Variants in SCFD2 observed in about 807,000 individuals in gnomAD.
The protein encoded by SCFD2 is sec1 family domain-containing protein 2.
In SCFD2, 54 loss-of-function variants were observed where a neutral mutation model predicts 58.9. The observed-to-expected ratio is 0.92, with a 90% CI of 0.74 to 1.15. The LOEUF is 1.15. Ranked by LOEUF, SCFD2 falls within the 50% of genes most tolerant of loss-of-function variation. The pLI is 0.00. For synonymous variants in SCFD2, 321 were observed against 335.9 expected (o/e 0.96, Z 0.49); for missense variants, 805 against 836.6 (o/e 0.96, Z 0.47).
At chr4:53,044,239 G>A (rs1722969964) in intron 5 of SCFD2, among the ~76,000 whole-genome samples, 2 of 152,038 alleles carry the variant, frequency 1.3e-5, no homozygotes, top group Admixed American at 1.3e-4. Context: ...ACCTGCATCA[G>A]AGTCTGAGGC....
At chr4:52,887,979 C>T (rs1398966635) in intron 7 of SCFD2, among the ~76,000 whole-genome samples, 1 of 141,604 alleles carries the variant, frequency 7.1e-6, no homozygotes, top group Non-Finnish European at 1.5e-5. Context: ...GGTGCGATCT[C>T]GGCTCACTGC....
intron 5 of SCFD2, among the ~76,000 whole-genome samples, chr4:52,994,477 C>A (rs1035551580): frequency 2.6e-5 from 4 of 152,138 alleles, no homozygotes; most frequent in African/African-American, 7.2e-5. Context: ...AGAGGGTGGA[C>A]GGCAAGCCCC....
At chr4:53,114,937 T>C (rs1336628747) in intron 5 of SCFD2, among the ~76,000 whole-genome samples, 18 of 152,056 alleles carry the variant, frequency 1.2e-4, no homozygotes, top group Non-Finnish European at 2.9e-5. Flanking sequence ...CCATGTTAAG[T>C]ATGTGTATTC....
chr4:53,044,489 ACTTCCTTC>A (rs536906756), intron 5 of SCFD2, among the ~76,000 whole-genome samples: 6 of 146,034 alleles, frequency 4.1e-5, no homozygotes, highest in African/African-American at 1.5e-4. Context: ...CTTTACAGGA[ACTTCCTTC>A]CTTCCTTCCT....
intron 5 of SCFD2, among the ~76,000 whole-genome samples, chr4:53,106,966 C>T (rs1293822541): frequency 6.6e-6 from 1 of 152,114 alleles, no homozygotes; most frequent in Non-Finnish European, 1.5e-5. Flanking sequence ...ATGTTATGGG[C>T]AGCCAGAGAG....
chr4:53,355,449 C>T (rs2149167616), intron 1 of SCFD2, among the ~76,000 whole-genome samples: 2 of 152,304 alleles, frequency 1.3e-5, no homozygotes, highest in Middle Eastern at 6.8e-3. Context: ...AGTTAGGCAA[C>T]TTGCCCAAGG....
At chr4:53,109,588 G>C (rs1436915906) in intron 5 of SCFD2, among the ~76,000 whole-genome samples, 1 of 152,118 alleles carries the variant, frequency 6.6e-6, no homozygotes. Flanking sequence ...GAAAAACAGA[G>C]AGCCAAATCA....
chr4:53,240,877 T>C (rs1246848514), intron 4 of SCFD2, among the ~76,000 whole-genome samples: 2 of 152,144 alleles, frequency 1.3e-5, no homozygotes, highest in Non-Finnish European at 2.9e-5. Context: ...AATGGACCTC[T>C]CCAAGATGGT....
intron 5 of SCFD2, among the ~76,000 whole-genome samples, chr4:53,126,427 T>G (rs1435400658): frequency 6.6e-6 from 1 of 152,226 alleles, no homozygotes; most frequent in Non-Finnish European, 1.5e-5. Flanking sequence ...GTAATTCTCC[T>G]GCCTCAGCTT....
chr4:53,077,443 T>C (rs1016579568), intron 5 of SCFD2, among the ~76,000 whole-genome samples: 2 of 152,114 alleles, frequency 1.3e-5, no homozygotes, highest in African/African-American at 4.8e-5. Flanking sequence ...TTATTTTTTA[T>C]TTATTATTTT....
chr4:53,303,831 T>C (rs556501311), intron 3 of SCFD2, among the ~76,000 whole-genome samples: 19 of 142,720 alleles, frequency 1.3e-4, no homozygotes, highest in African/African-American at 4.5e-4. Flanking sequence ...AAACCATCAT[T>C]CTCAGCAAAC....
chr4:53,150,295 GC>G (rs1164732797), intron 4 of SCFD2, among the ~76,000 whole-genome samples: 1 of 152,184 alleles, frequency 6.6e-6, no homozygotes, highest in Admixed American at 6.5e-5. Context: ...AGAGCCATCA[GC>G]CAAGATAAGG....
chr4:52,942,774 A>C (rs2109516122), intron 5 of SCFD2, among the ~76,000 whole-genome samples: 1 of 152,240 alleles, frequency 6.6e-6, no homozygotes, highest in East Asian at 1.9e-4. Context: ...AAAGTATTTC[A>C]CTCCACTTAA....
Position 53,199,110 on chromosome 4 carries a change from G to A in SCFD2, c.1312-53528C>T, listed in dbSNP as rs570383798. ...AAACTTAACTAGTTTGAGGGGCCAA[G>A]GTTCTTCTGTAGCAAAGCCAATATA... On this transcript the variant is annotated intron_variant, in intron 4 of 8. Coordinates refer to ENST00000401642, the MANE Select transcript of SCFD2 (RefSeq NM_152540.4). 1.6e-3 allele frequency among the ~76,000 whole-genome samples: 249 copies of A among 152,146 alleles called. 1 individual carries two copies. Among genetic ancestry groups the A allele is most frequent in the Non-Finnish European group, 2.8e-3 (193 of 67,962 alleles).
intron 4 of SCFD2, among the ~76,000 whole-genome samples, chr4:53,228,641 A>G (rs1321879657): frequency 6.6e-6 from 1 of 152,206 alleles, no homozygotes; most frequent in African/African-American, 2.4e-5. Flanking sequence ...AGAGCTATTT[A>G]TGACAAACCC....
chr4:53,255,818 C>T (rs1195628394), intron 4 of SCFD2, among the ~76,000 whole-genome samples: 8 of 144,940 alleles, frequency 5.5e-5, no homozygotes, highest in Non-Finnish European at 9.2e-5. Flanking sequence ...ACCTCCCGGA[C>T]CGGGCAGCTG....
Position 52,873,538 on chromosome 4 carries a change from G to C in SCFD2, c.*431C>G, listed in dbSNP as rs1718398236. On this transcript the variant is annotated 3_prime_UTR_variant, in exon 9 of 9. Coordinates refer to ENST00000401642, the MANE Select transcript of SCFD2 (RefSeq NM_152540.4). ...CCCTCCTCAGTTATATAATCCTAAG[G>C]AACATCAAATTTTCCCCACACTCAT... is the stretch of plus-strand genomic sequence containing the variant. 6.2e-6 allele frequency: 1 copy of C among 160,460 alleles called. No individual in the cohort carries two copies. Among genetic ancestry groups the C allele is most frequent in the African/African-American group, 2.4e-5 (1 of 41,412 alleles). 9.9% of individuals were successfully genotyped at this position (160,460 alleles called of 1,614,324 possible). A position where few individuals can be genotyped will look rare whatever the true frequency, so the allele number is the denominator to read the frequency against.
chr4:53,349,956 A>G (rs564083695), intron 2 of SCFD2, among the ~76,000 whole-genome samples: 13 of 152,172 alleles, frequency 8.5e-5, no homozygotes, highest in South Asian at 6.2e-4. Flanking sequence ...GTCTAACTGT[A>G]TGCGTTACCT....
At chr4:53,325,947 A>G (rs7657388) in intron 2 of SCFD2, among the ~76,000 whole-genome samples, 108,397 of 151,914 alleles carry the variant, frequency 0.71, 38,844 homozygotes, top group Middle Eastern at 0.8. Flanking sequence ...GAAAAGTATA[A>G]GAAAAAATGG....
Sources: gnomAD v4.1 joint callset for allele counts (sites outside exome capture counted in the v4.1 genomes callset) on GRCh38, gnomAD v4.1.1 for gene constraint, MANE v1.5 for transcripts, NCBI Gene and HGNC (gene_info 2026-07-23, HGNC 2026-07-21) for gene names.